The following PPP1R3A variants were observed in gnomAD, a reference collection of about 807,000 sequenced individuals.
PPP1R3A encodes the protein RG1.
PPP1R3A carries 29 observed loss-of-function variants against 41.7 expected under a neutral mutation model. The observed-to-expected ratio is 0.70, with a 90% CI of 0.52 to 0.95. PPP1R3A has a LOEUF of 0.95. PPP1R3A is among the 40% of genes least tolerant of loss of function. PPP1R3A has a pLI of 0.00. For missense variants in PPP1R3A, 1,352 were observed against 1,292.4 expected (o/e 1.05, Z -0.71); for synonymous variants, 485 against 453.4 (o/e 1.07, Z -0.89).
At chr7:113,904,545 G>C (rs1171980632) in intron 1 of PPP1R3A, among the ~76,000 whole-genome samples, 1 of 151,682 alleles carries the variant, frequency 6.6e-6, no homozygotes, top group East Asian at 1.9e-4. Flanking sequence ...TTATACATGA[G>C]ATGAGATTCT....
In PPP1R3A at chr7:113,878,522, T is replaced by TTTTGATA. The variant is rs1562915880; in HGVS notation, c.2563_2569dup (p.Lys857IlefsTer29). On this transcript the variant is annotated frameshift_variant, in exon 4 of 4. Coordinates refer to ENST00000284601, the MANE Select transcript of PPP1R3A (RefSeq NM_002711.4). LOFTEE classifies it low-confidence loss of function (END_TRUNC). ...CTGTAAATCCAGTTTTGAAGTTGCTTTTTGATATTCTGTAATGACCCATGA... is the reference window on the plus strand; with the variant it reads ...CTGTAAATCCAGTTTTGAAGTTGCTTTTTGATATTTGATATTCTGTAATGACCCATGA... The TTTTGATA allele has an allele frequency of 3.1e-6, 5 of 1,613,408 alleles. No homozygotes were observed. In the African/African-American group the frequency reaches 6.7e-5, roughly 22 times the overall value.
rs774117407 is a variant in PPP1R3A, at chr7:113,879,797, G to A, written c.1295C>T (p.Thr432Ile). 2.5e-6 allele frequency: 4 copies of A among 1,613,386 alleles called. No individual in the cohort carries two copies. The highest frequency in any genetic ancestry group is 2.5e-6 in the Non-Finnish European group (3 of 1,179,698). Residue 432 changes from threonine to isoleucine, a missense_variant, in exon 4 of 4, where the codon ACT (threonine) becomes ATT (isoleucine). By Grantham distance (89) the Thr-to-Ile change is moderately conservative (BLOSUM62 -1). Coordinates refer to ENST00000284601, the MANE Select transcript of PPP1R3A (RefSeq NM_002711.4). ...TSSDELVQLHTGSKEVLDDNA... is the reference protein window; with the variant it reads ...TSSDELVQLHIGSKEVLDDNA... ...ATCATCCAGGACTTCTTTGCTGCCAGTATGTAATTGCACTAGTTCATCACT... is the reference window on the plus strand; with the variant it reads ...ATCATCCAGGACTTCTTTGCTGCCAATATGTAATTGCACTAGTTCATCACT...
chr7:113,880,064 G>A lies in PPP1R3A; in HGVS notation c.1028C>T (p.Ser343Leu), dbSNP rs1284411859. Reference sequence around the variant, plus strand: ...ATTTGGAAAATTGACTGGATCTGTTGAAAATGTATTCCTTTCATCTCTGGA... The same window carrying A: ...ATTTGGAAAATTGACTGGATCTGTTAAAAATGTATTCCTTTCATCTCTGGA... ...TASRDERNTF[S>L]TDPVNFPNKA... Residue 343 changes from serine to leucine, a missense_variant, in exon 4 of 4, where the codon TCA (serine) becomes TTA (leucine). Transcript: ENST00000284601. 1 of 1,609,928 alleles carries A rather than the reference G, an allele frequency of 6.2e-7. No homozygotes were observed. The highest frequency in any genetic ancestry group is 1.7e-5 in the Admixed American group (1 of 59,840).
Position 113,878,469 on chromosome 7 carries a change from C to CAG in PPP1R3A, c.2621_2622dup (p.Val875LeufsTer61). On this transcript the variant is annotated frameshift_variant, in exon 4 of 4. Coordinates refer to ENST00000284601, the MANE Select transcript of PPP1R3A (RefSeq NM_002711.4). LOFTEE classifies it low-confidence loss of function (END_TRUNC). ...CTAAGATCTCTGTTTTCTGAAAATA[C>CAG]AGTTTTGTCTGTTGGTAACATTCCC... 1 of 1,612,848 alleles carries CAG rather than the reference C, an allele frequency of 6.2e-7. No homozygotes were observed. Among genetic ancestry groups the CAG allele is most frequent in the Non-Finnish European group, 8.5e-7 (1 of 1,179,600 alleles).
chr7:113,892,377 C>A (rs1796906943), intron 1 of PPP1R3A, among the ~76,000 whole-genome samples: 1 of 152,114 alleles, frequency 6.6e-6, no homozygotes, highest in Admixed American at 6.6e-5. Context: ...TGGACTGTTT[C>A]TTTTCATAAT....
chr7:113,890,907 C>T (rs1251615394), intron 1 of PPP1R3A, among the ~76,000 whole-genome samples: 1 of 151,810 alleles, frequency 6.6e-6, no homozygotes, highest in Non-Finnish European at 1.5e-5. Flanking sequence ...TAAGAGACCT[C>T]ATACTTGGAT....
chr7:113,887,369 A>T (rs6964044), intron 1 of PPP1R3A, among the ~76,000 whole-genome samples: 94,309 of 151,736 alleles, frequency 0.62, 29,912 homozygotes, highest in South Asian at 0.75. Context: ...GGTTTTTCTA[A>T]TAGATATTTT....
chr7:113,886,112 T>C (rs960869622), intron 1 of PPP1R3A, among the ~76,000 whole-genome samples: 1 of 151,800 alleles, frequency 6.6e-6, no homozygotes, highest in African/African-American at 2.4e-5. Flanking sequence ...AAATTACATA[T>C]ATATAGCAAG....
chr7:113,896,989 AT>A (rs1796986831), intron 1 of PPP1R3A, among the ~76,000 whole-genome samples: 2 of 151,908 alleles, frequency 1.3e-5, no homozygotes, highest in Non-Finnish European at 2.9e-5. Context: ...GTATTCAAGT[AT>A]TTTTTGAAGC....
chr7:113,916,690 C>A (rs1797349405), intron 1 of PPP1R3A, among the ~76,000 whole-genome samples: 1 of 152,050 alleles, frequency 6.6e-6, no homozygotes, highest in Admixed American at 6.6e-5. Context: ...AACAGATATT[C>A]ACTAATGCTT....
intron 1 of PPP1R3A, among the ~76,000 whole-genome samples, chr7:113,904,894 T>C (rs911672956): frequency 1.3e-5 from 2 of 151,726 alleles, no homozygotes; most frequent in Admixed American, 6.6e-5. Flanking sequence ...CATATTTGTA[T>C]ATTGAAGCTA....
At chr7:113,890,060 A>C (rs1332168416) in intron 1 of PPP1R3A, among the ~76,000 whole-genome samples, 1 of 148,910 alleles carries the variant, frequency 6.7e-6, no homozygotes, top group Non-Finnish European at 1.5e-5. Context: ...TTAAGGCATT[A>C]TATGCAAAAA....
intron 3 of PPP1R3A, among the ~76,000 whole-genome samples, chr7:113,880,708 G>A (rs2129113605): frequency 1.9e-5 from 1 of 51,448 alleles, no homozygotes; most frequent in South Asian, 1.2e-3. Flanking sequence ...ACAGTGAGAT[G>A]CCTGTGTTTT....
chr7:113,883,647 C>T (rs1001112794), intron 1 of PPP1R3A, among the ~76,000 whole-genome samples: 12 of 151,912 alleles, frequency 7.9e-5, no homozygotes, highest in South Asian at 2.1e-4. Context: ...TTTATTTTTA[C>T]GAAATCCAAC....
chr7:113,912,702 T>TTTTTC (rs1163239703), intron 1 of PPP1R3A, among the ~76,000 whole-genome samples: 3 of 152,114 alleles, frequency 2.0e-5, no homozygotes, highest in East Asian at 1.9e-4. Flanking sequence ...TCTTCTTCCT[T>TTTTTC]TTTTCTTTTC....
At chr7:113,908,644 C>T (rs1797186149) in intron 1 of PPP1R3A, among the ~76,000 whole-genome samples, 2 of 151,818 alleles carry the variant, frequency 1.3e-5, no homozygotes, top group Non-Finnish European at 2.9e-5. Flanking sequence ...GTCTAAACTG[C>T]ATTTTATTTT....
intron 1 of PPP1R3A, among the ~76,000 whole-genome samples, chr7:113,899,145 T>C (rs563083539): frequency 4.5e-4 from 69 of 151,848 alleles, no homozygotes; most frequent in African/African-American, 1.6e-3. Context: ...TTGCCCCTTC[T>C]CTACTTAAAA....
At chr7:113,918,087 C>A in intron 1 of PPP1R3A, 128 bp downstream of exon 1, 1 of 892,072 alleles carries the variant, frequency 1.1e-6, no homozygotes, top group South Asian at 1.8e-5. Context: ...TAAAGCCTGG[C>A]ACCATTGTTT....
At chr7:113,909,944 G>A (rs1448092056) in intron 1 of PPP1R3A, among the ~76,000 whole-genome samples, 1 of 152,062 alleles carries the variant, frequency 6.6e-6, no homozygotes, top group Admixed American at 6.6e-5. Context: ...AGATACCTGA[G>A]ACTACGTAAC....
Sources: allele counts gnomAD v4.1 joint callset (sites outside exome capture counted in the v4.1 genomes callset), GRCh38; gene constraint gnomAD v4.1.1; transcripts MANE v1.5; gene names NCBI Gene and HGNC (gene_info 2026-07-23, HGNC 2026-07-21).